ERC2: variants seen among roughly 807,000 people sequenced by gnomAD.
The protein encoded by ERC2 is ERC protein 2.
Under a neutral mutation model 114.8 loss-of-function variants are expected in ERC2, and 42 were observed. The observed-to-expected ratio is 0.37, with a 90% CI of 0.29 to 0.47. The LOEUF is 0.47. Ranked by LOEUF, ERC2 falls within the 20% of genes least tolerant of loss-of-function variation. ERC2 has a pLI of 0.99. For synonymous variants in ERC2, 454 were observed against 425.5 expected (o/e 1.07, Z -0.82); for missense variants, 939 against 1,150.7 (o/e 0.82, Z 2.66).
At chr3:55,610,064 C>CAAAAAAA (rs36088271) in intron 17 of ERC2, among the ~76,000 whole-genome samples, 127 of 118,258 alleles carry the variant, frequency 1.1e-3, no homozygotes, top group East Asian at 2.8e-3. Flanking sequence ...CAAACACAAA[C>CAAAAAAA]AAAAAAAAAA....
intron 3 of ERC2, among the ~76,000 whole-genome samples, chr3:56,182,909 G>A (rs2083363097): frequency 6.6e-6 from 1 of 151,958 alleles, no homozygotes; most frequent in Non-Finnish European, 1.5e-5. Context: ...GTCCATATTA[G>A]ATATTAAAAC....
At chr3:56,037,127 C>T (rs1453001477) in intron 7 of ERC2, among the ~76,000 whole-genome samples, 4 of 152,170 alleles carry the variant, frequency 2.6e-5, no homozygotes, top group South Asian at 2.1e-4. Context: ...AACTCAAAAA[C>T]CCAGAGTGCC....
intron 13 of ERC2, among the ~76,000 whole-genome samples, chr3:55,948,417 CA>C (rs972130234): frequency 2.6e-5 from 4 of 152,140 alleles, no homozygotes; most frequent in Non-Finnish European, 5.9e-5. Context: ...AAAACAATAG[CA>C]ATATTAAAAA....
intron 3 of ERC2, among the ~76,000 whole-genome samples, chr3:56,258,160 G>C (rs1306776212): frequency 2.6e-5 from 4 of 152,176 alleles, no homozygotes; most frequent in Non-Finnish European, 1.5e-5. Context: ...CTAGACTCTA[G>C]GACCCTGCAG....
intron 15 of ERC2, among the ~76,000 whole-genome samples, chr3:55,702,709 G>C (rs1043476248): frequency 2.0e-5 from 3 of 152,126 alleles, no homozygotes; most frequent in Non-Finnish European, 4.4e-5. Context: ...GATACTGTTT[G>C]TTCAAATAAC....
chr3:56,226,517 G>A (rs963091364), intron 3 of ERC2, among the ~76,000 whole-genome samples: 3 of 152,094 alleles, frequency 2.0e-5, no homozygotes, highest in Admixed American at 1.3e-4. Context: ...CATTGTCACC[G>A]CACTCCAGCC....
At chr3:55,786,147 T>C (rs780215290) in intron 14 of ERC2, among the ~76,000 whole-genome samples, 2 of 152,250 alleles carry the variant, frequency 1.3e-5, no homozygotes, top group Non-Finnish European at 2.9e-5. Context: ...AACAATTATC[T>C]TTTCCTTTGC....
At chr3:55,637,033 C>T (rs961748701) in intron 17 of ERC2, among the ~76,000 whole-genome samples, 2 of 152,162 alleles carry the variant, frequency 1.3e-5, no homozygotes, top group African/African-American at 2.4e-5. Flanking sequence ...CAGGTGTGCC[C>T]GTTCACTCCT....
chr3:55,808,702 TA>T (rs2059586345), intron 14 of ERC2, among the ~76,000 whole-genome samples: 16 of 3,716 alleles, frequency 4.3e-3, no homozygotes, highest in East Asian at 0.013. Flanking sequence ...ACCATAATTT[TA>T]TATATATATA....
At chr3:55,519,417 C>A (rs1022469201) in intron 17 of ERC2, among the ~76,000 whole-genome samples, 1 of 152,164 alleles carries the variant, frequency 6.6e-6, no homozygotes, top group Non-Finnish European at 1.5e-5. Flanking sequence ...TCCCAGGGCC[C>A]ATTGATGCTG....
At chr3:56,235,094 A>C (rs923595988) in intron 3 of ERC2, among the ~76,000 whole-genome samples, 2 of 152,180 alleles carry the variant, frequency 1.3e-5, no homozygotes, top group Non-Finnish European at 2.9e-5. Flanking sequence ...CTGCTTTCAC[A>C]AAGAGCCTTC....
intron 17 of ERC2, among the ~76,000 whole-genome samples, chr3:55,634,177 C>A (rs537789267): frequency 1.1e-4 from 16 of 152,186 alleles, no homozygotes; most frequent in Middle Eastern, 3.2e-3. Flanking sequence ...CAGAATGCCC[C>A]AGACACGAAG....
At chr3:56,145,854 T>G (rs1426287572) in intron 5 of ERC2, among the ~76,000 whole-genome samples, 1 of 152,232 alleles carries the variant, frequency 6.6e-6, no homozygotes, top group Non-Finnish European at 1.5e-5. Flanking sequence ...CTACCTGCTC[T>G]GGATCAAAAT....
chr3:56,374,197 C>T (rs549415995), intron 2 of ERC2, among the ~76,000 whole-genome samples: 22 of 152,260 alleles, frequency 1.4e-4, no homozygotes, highest in Admixed American at 5.2e-4. Flanking sequence ...TCCAGGTTCA[C>T]GCCATTCTCC....
At chr3:56,172,176 T>C (rs2082715019) in intron 4 of ERC2, among the ~76,000 whole-genome samples, 1 of 152,046 alleles carries the variant, frequency 6.6e-6, no homozygotes, top group Admixed American at 6.6e-5. Context: ...ATTATATAAG[T>C]TTAAAACAAC....
chr3:56,407,785 C>A (rs1020098558), intron 2 of ERC2, among the ~76,000 whole-genome samples: 5 of 152,106 alleles, frequency 3.3e-5, no homozygotes, highest in African/African-American at 1.2e-4. Context: ...GGCCCAGGGA[C>A]CCCCCTGGAA....
intron 17 of ERC2, among the ~76,000 whole-genome samples, chr3:55,560,612 G>A (rs1009448808): frequency 6.6e-6 from 1 of 152,158 alleles, no homozygotes; most frequent in Non-Finnish European, 1.5e-5. Flanking sequence ...CACCAGCTAA[G>A]TATCACTGAG....
intron 3 of ERC2, among the ~76,000 whole-genome samples, chr3:56,231,174 C>T (rs192664567): frequency 1.6e-4 from 24 of 152,282 alleles, no homozygotes; most frequent in Admixed American, 4.6e-4. Flanking sequence ...TGCTCTGACG[C>T]CAGATTAAGC....
At chr3:55,629,189 G>A (rs963305788) in intron 17 of ERC2, among the ~76,000 whole-genome samples, 1 of 152,196 alleles carries the variant, frequency 6.6e-6, no homozygotes, top group Non-Finnish European at 1.5e-5. Flanking sequence ...CTCACTTGGA[G>A]CCACTGAGCA....
Sources: gnomAD v4.1 joint callset for allele counts (sites outside exome capture counted in the v4.1 genomes callset) on GRCh38, gnomAD v4.1.1 for gene constraint, MANE v1.5 for transcripts, NCBI Gene and HGNC (gene_info 2026-07-23, HGNC 2026-07-21) for gene names.